CPE: variants seen among roughly 807,000 people sequenced by gnomAD.
CPE encodes carboxypeptidase E.
A neutral mutation model predicts 53.5 loss-of-function variants in CPE; 17 were observed. That is an observed-to-expected ratio of 0.32 (90% CI 0.22 to 0.48). The LOEUF (loss-of-function observed/expected upper bound fraction) is 0.48, where lower values mean the gene tolerates loss of function less well. Among genes scored for constraint, CPE ranks in the 20% least tolerant of loss-of-function variants. The probability of loss-of-function intolerance (pLI) is 0.99; values close to 1 mark genes in which losing one functional copy is unlikely to be tolerated. For missense variants in CPE, 524 were observed against 614.7 expected (o/e 0.85, Z 1.56); for synonymous variants, 226 against 228.8 (o/e 0.99, Z 0.11).
At position 165,488,062 on chromosome 4, in the gene CPE, G is replaced by GTAA. The variant is rs202161089; in HGVS notation, c.1113+499_1113+501dup. ...CACCCTAGACTCAACTGCATCACAGGTAATAATAATAATAATGAGTTATGT... is the reference window on the plus strand; with the variant it reads ...CACCCTAGACTCAACTGCATCACAGGTAATAATAATAATAATAATGAGTTATGT... On this transcript the variant is annotated intron_variant, in intron 6 of 8. Coordinates refer to ENST00000402744, the MANE Select transcript of CPE (RefSeq NM_001873.4). Among the ~76,000 whole-genome samples the GTAA allele has an allele frequency of 4.1e-4, 62 of 152,038 alleles. 1 individual carries two copies. Among genetic ancestry groups the GTAA allele is most frequent in the Middle Eastern group, 6.8e-3 (2 of 292 alleles).
At chr4:165,455,154 C>T (rs7689571) in intron 1 of CPE, among the ~76,000 whole-genome samples, 21,222 of 152,106 alleles carry the variant, frequency 0.14, 1,905 homozygotes, top group African/African-American at 0.25. Flanking sequence ...AATAGATATA[C>T]AAAGCACAAT....
intron 1 of CPE, among the ~76,000 whole-genome samples, chr4:165,391,420 A>G (rs956215524): frequency 1.3e-5 from 2 of 152,094 alleles, no homozygotes; most frequent in African/African-American, 4.8e-5. Flanking sequence ...AACATATTTC[A>G]TTTTCCATAA....
chr4:165,379,603 G>T lies in CPE; in HGVS notation c.307+75G>T. 8.0e-7 allele frequency: 1 copy of T among 1,251,330 alleles called. No homozygotes were observed. Among genetic ancestry groups the T allele is most frequent in the Non-Finnish European group, 1.1e-6 (1 of 943,628 alleles). 77.5% of individuals were successfully genotyped at this position (1,251,330 alleles called of 1,614,324 possible). On this transcript the variant is annotated intron_variant, in intron 1 of 8. Transcript: ENST00000402744. The surrounding 1 kb of genome is among the most constrained non-coding windows in gnomAD (Gnocchi z 6.0). ...GCAGAGGGTGGGACTGGTGGCGGTGGGGGAAGGAGGGAGGGATGGGCCCAG... is the reference window on the plus strand; with the variant it reads ...GCAGAGGGTGGGACTGGTGGCGGTGTGGGAAGGAGGGAGGGATGGGCCCAG...
rs1579234419 is a variant in CPE at position 165,379,182 on chromosome 4, C to T, written c.-40C>T. On this transcript the variant is annotated 5_prime_UTR_variant, in exon 1 of 9. Coordinates refer to ENST00000402744, the MANE Select transcript of CPE (RefSeq NM_001873.4). The surrounding 1 kb of genome is among the most constrained non-coding windows in gnomAD (Gnocchi z 6.0). ...GGGCCGGGCAGACAAAAGAGGCCGC[C>T]CGCGTAGGAAGGCACGGCCGGCGGC... 1.6e-6 allele frequency: 2 copies of T among 1,221,576 alleles called. No individual in the cohort carries two copies. Among genetic ancestry groups the T allele is most frequent in the Admixed American group, 4.3e-5 (1 of 23,074 alleles). The allele number at this position is 1,221,576 out of a possible 1,614,324, so 75.7% of individuals were successfully genotyped here.
At chr4:165,441,562 G>A (rs1283402376) in intron 1 of CPE, among the ~76,000 whole-genome samples, 1 of 151,996 alleles carries the variant, frequency 6.6e-6, no homozygotes, top group Non-Finnish European at 1.5e-5. Context: ...TAACTTTCAG[G>A]GTGGGCATTT....
chr4:165,464,290 A>G (rs779555306), intron 1 of CPE, 100 bp from the exon 2 acceptor site: 55 of 977,900 alleles, frequency 5.6e-5, no homozygotes, highest in Non-Finnish European at 8.0e-5. Flanking sequence ...CTGCTGGAGG[A>G]AAAAACCCAT....
intron 5 of CPE, among the ~76,000 whole-genome samples, chr4:165,485,018 G>A (rs1732483464): frequency 6.6e-6 from 1 of 152,138 alleles, no homozygotes; most frequent in Admixed American, 6.5e-5. Context: ...CTGGTGCACA[G>A]TACTTTTGTA....
chr4:165,479,288 TAA>T (rs1388462988), intron 3 of CPE, among the ~76,000 whole-genome samples: 2 of 152,178 alleles, frequency 1.3e-5, no homozygotes, highest in African/African-American at 4.8e-5. Flanking sequence ...CAAAATATAA[TAA>T]GAGTGTATTT....
rs930002485 is a variant in CPE at position 165,464,495 on chromosome 4, G to A, written c.413G>A (p.Gly138Glu). 8.1e-6 allele frequency: 13 copies of A among 1,613,742 alleles called. No homozygotes were observed. The East Asian group carries it at 2.9e-4, about 36-fold the overall frequency. Reference sequence around the variant, plus strand: ...TACCTATGCAACGAATACCAGAAGGGGAACGAGACAATTGTCAACCTGATC... The same window carrying A: ...TACCTATGCAACGAATACCAGAAGGAGAACGAGACAATTGTCAACCTGATC... ...AQYLCNEYQK[G>E]NETIVNLIHS... is the part of the protein sequence containing the mutation. The change falls in exon 2 of 9, where the codon GGG becomes GAG. Residue 138 changes from glycine to glutamate, a missense_variant. Coordinates refer to ENST00000402744, the MANE Select transcript of CPE (RefSeq NM_001873.4).
In CPE at chr4:165,379,573, G is replaced by A; in HGVS notation, c.307+45G>A. 5 of 1,441,540 alleles carry A rather than the reference G, an allele frequency of 3.5e-6. No individual in the cohort carries two copies. The highest frequency in any genetic ancestry group is 4.6e-6 in the Non-Finnish European group (5 of 1,083,052). 89.3% of individuals were successfully genotyped at this position (1,441,540 alleles called of 1,614,324 possible). ...ACAGCCCTGGGGGCATCCCGGAGGG[G>A]GGCGGCAGAGGGTGGGACTGGTGGC... On this transcript the variant is annotated intron_variant, in intron 1 of 8. Coordinates refer to ENST00000402744, the MANE Select transcript of CPE (RefSeq NM_001873.4). The surrounding 1 kb of genome is among the most constrained non-coding windows in gnomAD (Gnocchi z 6.0).
At chr4:165,442,023 G>GTTTTTTTTTTTTTTTT (rs11415472) in intron 1 of CPE, among the ~76,000 whole-genome samples, 30 of 107,406 alleles carry the variant, frequency 2.8e-4, no homozygotes, top group Non-Finnish European at 3.4e-4. Flanking sequence ...CGGTGAGTTT[G>GTTTTTTTTTTTTTTTT]TTTTTTTTTT....
chr4:165,405,753 T>C (rs1730943534), intron 1 of CPE: 1 of 935,920 alleles, frequency 1.1e-6, no homozygotes, highest in Non-Finnish European at 1.8e-6. Context: ...CACGGATGTT[T>C]CTGCCAGTCA....
intron 1 of CPE, chr4:165,406,233 G>T: frequency 1.5e-6 from 1 of 658,278 alleles, no homozygotes; most frequent in South Asian, 1.4e-5. Context: ...GTTAATATGG[G>T]TTCTGGTCAG....
intron 1 of CPE, among the ~76,000 whole-genome samples, chr4:165,426,048 C>T (rs1163343993): frequency 1.3e-5 from 2 of 152,162 alleles, no homozygotes; most frequent in Non-Finnish European, 2.9e-5. Flanking sequence ...TTTCAGGGCT[C>T]TCACAAGCTA....
intron 1 of CPE, among the ~76,000 whole-genome samples, chr4:165,451,830 C>A (rs1026780637): frequency 6.6e-6 from 1 of 151,994 alleles, no homozygotes; most frequent in Non-Finnish European, 1.5e-5. Context: ...AAAAGAAAAC[C>A]GAGGCTAGGG....
intron 1 of CPE, among the ~76,000 whole-genome samples, chr4:165,451,922 C>A (rs73860770): frequency 0.019 from 2,821 of 152,066 alleles, 86 homozygotes; most frequent in African/African-American, 0.062. Context: ...TACCGCCCCC[C>A]CAACCCCCGT....
chr4:165,423,509 C>G (rs891265206), intron 1 of CPE, among the ~76,000 whole-genome samples: 2 of 151,632 alleles, frequency 1.3e-5, no homozygotes, highest in Non-Finnish European at 2.9e-5. Context: ...AATTTTGTTT[C>G]TAAAATTTAT....
At chr4:165,448,022 G>T (rs978470203) in intron 1 of CPE, among the ~76,000 whole-genome samples, 1 of 152,034 alleles carries the variant, frequency 6.6e-6, no homozygotes, top group South Asian at 2.1e-4. Flanking sequence ...CTAAATATAT[G>T]CATGTATATA....
In CPE at chr4:165,487,682, G is replaced by A; in HGVS notation, c.1113+105G>A. On this transcript the variant is annotated intron_variant, in intron 6 of 8. Transcript: ENST00000402744. ...CAGGAGAATCCGTCTGGTGCAGAATGAGGATGCCATATTTGGAAGGCAGGT... is the reference window on the plus strand; with the variant it reads ...CAGGAGAATCCGTCTGGTGCAGAATAAGGATGCCATATTTGGAAGGCAGGT... 6 of 1,273,632 alleles carry A rather than the reference G, an allele frequency of 4.7e-6. No homozygotes were observed. In the South Asian group the frequency reaches 7.2e-5, roughly 15 times the overall value. 78.9% of individuals were successfully genotyped at this position (1,273,632 alleles called of 1,614,324 possible). A position where few individuals can be genotyped will look rare whatever the true frequency, so the allele number is the denominator to read the frequency against.
Sources: gnomAD v4.1 joint callset for allele counts (sites outside exome capture counted in the v4.1 genomes callset) on GRCh38, gnomAD v4.1.1 for gene constraint, Gnocchi (gnomAD v3.1) non-coding constraint, MANE v1.5 for transcripts, NCBI Gene and HGNC (gene_info 2026-07-23, HGNC 2026-07-21) for gene names.